Variants in IP6K1 observed in about 807,000 individuals in gnomAD.
The protein encoded by IP6K1 is ATP:1D-myo-inositol-hexakisphosphate phosphotransferase.
IP6K1 carries 13 observed loss-of-function variants against 38.3 expected under a neutral mutation model. The ratio of observed to expected loss-of-function variants is 0.34; its 90% CI spans 0.22 to 0.54. The LOEUF (loss-of-function observed/expected upper bound fraction) is 0.54. Among genes scored for constraint, IP6K1 ranks in the 20% least tolerant of loss-of-function variants. The probability of loss-of-function intolerance (pLI) is 0.92; values close to 1 mark genes in which losing one functional copy is unlikely to be tolerated. For missense variants in IP6K1, 397 were observed against 599.8 expected, an observed-to-expected ratio of 0.66 and a Z score of 3.53; for synonymous variants, 212 against 229.9, an observed-to-expected ratio of 0.92 and a Z score of 0.70.
chr3:49,772,314 T>A (rs138272461), intron 1 of IP6K1, among the ~76,000 whole-genome samples: 1,802 of 147,544 alleles, frequency 0.012, 42 homozygotes, highest in African/African-American at 0.042. Flanking sequence ...TTAATATATT[T>A]TATATATATA....
At chr3:49,772,448 G>A (rs2108259179) in intron 1 of IP6K1, among the ~76,000 whole-genome samples, 1 of 151,792 alleles carries the variant, frequency 6.6e-6, no homozygotes, top group South Asian at 2.1e-4. Context: ...TGTTACCCAG[G>A]CTAAAGTGCA....
chr3:49,781,883 G>A (rs1002854470), intron 1 of IP6K1, among the ~76,000 whole-genome samples: 1 of 151,688 alleles, frequency 6.6e-6, no homozygotes, highest in Non-Finnish European at 1.5e-5. Context: ...AGGAGTTAGA[G>A]ACCAGCCTGG....
At chr3:49,747,349 T>C (rs992849470) in intron 2 of IP6K1, among the ~76,000 whole-genome samples, 1 of 152,216 alleles carries the variant, frequency 6.6e-6, no homozygotes, top group Non-Finnish European at 1.5e-5. Flanking sequence ...TTATTTTTCC[T>C]TCAAATATCA....
chr3:49,739,667 A>T (rs916205274), intron 2 of IP6K1, among the ~76,000 whole-genome samples: 1 of 151,706 alleles, frequency 6.6e-6, no homozygotes, highest in Non-Finnish European at 1.5e-5. Context: ...GTTCTTTATA[A>T]TATTCTTCTT....
At chr3:49,770,837 G>A (rs1373499853) in intron 1 of IP6K1, among the ~76,000 whole-genome samples, 3 of 152,116 alleles carry the variant, frequency 2.0e-5, no homozygotes, top group East Asian at 3.9e-4. Context: ...ATGAGATGGA[G>A]TCTTGATCAC....
At chr3:49,769,321 TAAAC>T (rs2080937573) in intron 1 of IP6K1, among the ~76,000 whole-genome samples, 1 of 152,186 alleles carries the variant, frequency 6.6e-6, no homozygotes, top group Non-Finnish European at 1.5e-5. Context: ...TAAATCTTGA[TAAAC>T]AATAAAGTTG....
chr3:49,738,251 T>C lies in IP6K1; in HGVS notation c.395A>G (p.Lys132Arg), dbSNP rs1387614591. The stretch of plus-strand genomic sequence containing the variant: ...AAGGGACAGGCTGGCTTTCTCCTCC[T>C]TGTGGTCACTGCCACTGCCTGACCG... ...LHRSGSGSDH[K>R]EEKASLSLET... is the part of the protein sequence containing the mutation. The change falls in exon 3 of 6, where the codon AAG (lysine) becomes AGG (arginine). Residue 132 changes from lysine to arginine, a missense_variant. Lys to Arg is a conservative substitution (Grantham distance 26). Around this residue, in one of 3 missense-constraint regions of IP6K1, gnomAD observed 171 missense variants for 237.0 expected, o/e 0.72. Coordinates refer to ENST00000321599, the MANE Select transcript of IP6K1 (RefSeq NM_153273.4). The C allele has an allele frequency of 2.5e-6, 4 of 1,614,116 alleles. No individual in the cohort carries two copies. The highest frequency in any genetic ancestry group is 3.4e-6 in the Non-Finnish European group (4 of 1,180,044).
Position 49,727,038 on chromosome 3 carries a change from GTC to G in IP6K1, c.*82_*83del. 1 of 1,327,818 alleles carries G rather than the reference GTC, an allele frequency of 7.5e-7. No individual in the cohort carries two copies. The highest frequency in any genetic ancestry group is 1.0e-6 in the Non-Finnish European group (1 of 964,484). The allele number at this position is 1,327,818 out of a possible 1,614,324, so 82.3% of individuals were successfully genotyped here. Reference sequence around the variant, plus strand: ...GAGAAATATAACCCTTTAAAAGCAAGTCTGTGTGTCCTCACGGCAAGTTCAGA... The same window carrying G: ...GAGAAATATAACCCTTTAAAAGCAAGTGTGTGTCCTCACGGCAAGTTCAGA... On this transcript the variant is annotated 3_prime_UTR_variant, in exon 6 of 6. Transcript: ENST00000321599. This position sits in a 1 kb window ranked among gnomAD's most constrained non-coding sequence, Gnocchi z 5.9.
At chr3:49,730,804 C>G (rs894992396) in intron 4 of IP6K1, among the ~76,000 whole-genome samples, 1 of 152,110 alleles carries the variant, frequency 6.6e-6, no homozygotes, top group Non-Finnish European at 1.5e-5. Flanking sequence ...GCAACCTCCG[C>G]CTCTTGAGTT....
At position 49,728,218 on chromosome 3, in the gene IP6K1, T is replaced by G; in HGVS notation, c.677A>C (p.Lys226Thr). ...HFKYPCVLDLKMGTRQHGDDA... is the reference protein window; with the variant it reads ...HFKYPCVLDLTMGTRQHGDDA... ...ATCGCCATGCTGCCGCGTGCCCATC[T>G]TCAGGTCCAACACGCAGGGGTACTT... Residue 226 changes from lysine (K) to threonine (T), a missense_variant, in exon 5 of 6, where the codon AAG (lysine) becomes ACG (threonine). Lys to Thr is a moderately conservative substitution (Grantham distance 78). Transcript: ENST00000321599. 6.2e-7 allele frequency: 1 copy of G among 1,614,160 alleles called. No homozygotes were observed. Among genetic ancestry groups the G allele is most frequent in the Non-Finnish European group, 8.5e-7 (1 of 1,180,020 alleles).
At chr3:49,739,843 C>A (rs1342839026) in intron 2 of IP6K1, among the ~76,000 whole-genome samples, 1 of 151,746 alleles carries the variant, frequency 6.6e-6, no homozygotes, top group Admixed American at 6.6e-5. Flanking sequence ...GTCGAAACCC[C>A]ATCTCTACTA....
intron 3 of IP6K1, among the ~76,000 whole-genome samples, chr3:49,734,788 C>A (rs1439553990): frequency 3.9e-5 from 6 of 152,144 alleles, no homozygotes; most frequent in African/African-American, 1.4e-4. Context: ...AAGTTCTCTG[C>A]GTCTGGATGA....
chr3:49,748,974 A>C (rs1328021254), intron 1 of IP6K1: 1 of 152,392 alleles, frequency 6.6e-6, no homozygotes, highest in Non-Finnish European at 1.5e-5. Flanking sequence ...TTAGTTTCTC[A>C]TAAGGAGCAC....
chr3:49,755,096 CTTTT>C (rs559780072), intron 1 of IP6K1, among the ~76,000 whole-genome samples: 2 of 111,952 alleles, frequency 1.8e-5, no homozygotes, highest in Non-Finnish European at 3.8e-5. Flanking sequence ...CCAAGCCTGG[CTTTT>C]TTTTTTTTTT....
intron 3 of IP6K1, among the ~76,000 whole-genome samples, chr3:49,734,212 T>C (rs879913212): frequency 6.6e-6 from 1 of 151,812 alleles, no homozygotes; most frequent in Admixed American, 6.6e-5. Flanking sequence ...CAACTGAAAA[T>C]ACTGGAACTT....
intron 1 of IP6K1, among the ~76,000 whole-genome samples, chr3:49,773,977 T>C (rs1184869672): frequency 8.1e-6 from 1 of 123,516 alleles, no homozygotes; most frequent in Non-Finnish European, 1.7e-5. Context: ...AGACTCTCTC[T>C]AAAACACACA....
chr3:49,774,605 T>C (rs2080990857), intron 1 of IP6K1, among the ~76,000 whole-genome samples: 2 of 152,060 alleles, frequency 1.3e-5, no homozygotes, highest in South Asian at 4.1e-4. Context: ...AATTCAGCTA[T>C]GCATAATAGG....
intron 1 of IP6K1, among the ~76,000 whole-genome samples, chr3:49,764,838 C>G (rs2080897064): frequency 6.6e-6 from 1 of 150,968 alleles, no homozygotes; most frequent in South Asian, 2.1e-4. Context: ...ACCTGCACCA[C>G]TGCACTATAG....
Position 49,747,933 on chromosome 3 carries a change from G to T in IP6K1, c.108C>A (p.His36Gln). 6.2e-7 allele frequency: 1 copy of T among 1,614,196 alleles called. No homozygotes were observed. Among genetic ancestry groups the T allele is most frequent in the Middle Eastern group, 1.7e-4 (1 of 6,058 alleles). The change falls in exon 2 of 6, where the codon CAC becomes CAA. Residue 36 changes from histidine (H) to glutamine (Q), a missense_variant. His to Gln is a conservative substitution (Grantham distance 24). Around this residue, in one of 3 missense-constraint regions of IP6K1, gnomAD observed 171 missense variants for 237.0 expected, o/e 0.72. Coordinates refer to ENST00000321599, the MANE Select transcript of IP6K1 (RefSeq NM_153273.4). ...GATCGTCGTAACGCATCATGCTGCT[G>T]TGTCCGCCTACTTGGTGGATGAAGG... is the stretch of plus-strand genomic sequence containing the variant. ...LEPFIHQVGG[H>Q]SSMMRYDDHT...
Sources: gnomAD v4.1 joint callset for allele counts (sites outside exome capture counted in the v4.1 genomes callset) on GRCh38, gnomAD v4.1.1 for gene constraint, gnomAD v4.1.1 regional missense constraint, Gnocchi (gnomAD v3.1) non-coding constraint, MANE v1.5 for transcripts, NCBI Gene and HGNC (gene_info 2026-07-23, HGNC 2026-07-21) for gene names.